REEP3: variants seen among roughly 807,000 people sequenced by gnomAD.
REEP3 encodes the protein receptor expression-enhancing protein 3.
In REEP3, 20 loss-of-function variants were observed where a neutral mutation model predicts 41.3. The observed-to-expected ratio is 0.48, with a 90% confidence interval of 0.34 to 0.70. REEP3 has a LOEUF of 0.70. Among genes scored for constraint, REEP3 ranks in the 30% least tolerant of loss-of-function variants. The pLI, the probability that REEP3 is intolerant of heterozygous loss-of-function variation, is 0.01. For synonymous variants in REEP3, 104 were observed against 101.8 expected (o/e 1.02, Z -0.13); for missense variants, 271 against 308.8 (o/e 0.88, Z 0.92).
intron 1 of REEP3, among the ~76,000 whole-genome samples, chr10:63,523,226 C>G (rs1035793898): frequency 1.3e-5 from 2 of 152,140 alleles, no homozygotes; most frequent in Non-Finnish European, 2.9e-5. Flanking sequence ...CAGTACAGGT[C>G]CAAATGTCAA....
At chr10:63,558,713 A>G (rs979168104) in intron 1 of REEP3, among the ~76,000 whole-genome samples, 8 of 151,934 alleles carry the variant, frequency 5.3e-5, no homozygotes, top group African/African-American at 1.9e-4. Context: ...ACTGCGTTCC[A>G]GCCTGGGCAA....
chr10:63,583,182 G>A (rs1439382979), intron 2 of REEP3, among the ~76,000 whole-genome samples: 1 of 151,808 alleles, frequency 6.6e-6, no homozygotes, highest in Non-Finnish European at 1.5e-5. Context: ...TAGTAGAGAC[G>A]GAGTTTCACT....
At chr10:63,598,659 C>G (rs1307612932) in intron 4 of REEP3, among the ~76,000 whole-genome samples, 1 of 151,484 alleles carries the variant, frequency 6.6e-6, no homozygotes, top group Non-Finnish European at 1.5e-5. Context: ...TGGCGGGCAC[C>G]CATAGTCCCA....
rs981027914 is a variant in REEP3, at chr10:63,614,126, A to G, written c.565+3792A>G. On this transcript the variant is annotated intron_variant, in intron 6 of 7. Transcript: ENST00000373758. ...CAAACCAATTATTGTCAATGCTATC[A>G]AAGAATACAACTGTCAAGAAATATA... Among the ~76,000 whole-genome samples, 11 of 152,342 alleles carry G rather than the reference A, an allele frequency of 7.2e-5. No individual in the cohort carries two copies. In the East Asian group the frequency reaches 2.1e-3, roughly 29 times the overall value.
chr10:63,585,164 T>G (rs1354744027), intron 2 of REEP3, among the ~76,000 whole-genome samples: 1 of 152,164 alleles, frequency 6.6e-6, no homozygotes, highest in Non-Finnish European at 1.5e-5. Context: ...CCTTAAAATG[T>G]AAGAGTGGAA....
chr10:63,545,585 G>T (rs1211896098), intron 1 of REEP3, among the ~76,000 whole-genome samples: 1 of 151,814 alleles, frequency 6.6e-6, no homozygotes, highest in Non-Finnish European at 1.5e-5. Flanking sequence ...ACGTTGGCCA[G>T]GATGGTCTCG....
intron 5 of REEP3, chr10:63,599,581 G>A: frequency 1.9e-6 from 1 of 537,740 alleles, no homozygotes; most frequent in South Asian, 7.4e-5. Context: ...ATCACCTGAT[G>A]TAAAGATGAC....
intron 1 of REEP3, among the ~76,000 whole-genome samples, chr10:63,557,081 G>T (rs1955694550): frequency 6.6e-6 from 1 of 152,056 alleles, no homozygotes; most frequent in Admixed American, 6.5e-5. Context: ...GTTTCCCTTG[G>T]CTAAAACCCA....
At chr10:63,603,422 T>A (rs983493363) in intron 5 of REEP3, among the ~76,000 whole-genome samples, 6 of 152,116 alleles carry the variant, frequency 3.9e-5, no homozygotes, top group Non-Finnish European at 7.4e-5. Flanking sequence ...CAAAAATGTG[T>A]CTATTTCATA....
intron 1 of REEP3, among the ~76,000 whole-genome samples, chr10:63,560,529 G>A (rs1348260557): frequency 6.6e-6 from 1 of 152,148 alleles, no homozygotes; most frequent in African/African-American, 2.4e-5. Flanking sequence ...TTTTAAAATG[G>A]TGCAGATTTT....
Position 63,558,271 on chromosome 10 carries a change from C to T in REEP3, c.33-8067C>T, listed in dbSNP as rs1030128424. Among the ~76,000 whole-genome samples the T allele has an allele frequency of 4.6e-5, 7 of 152,260 alleles. No homozygotes were observed. The South Asian group carries it at 8.3e-4, about 18-fold the overall frequency. Reference sequence around the variant, plus strand: ...TTACCTAGCTCCTGTCCTTGGTTAGCGTGAGGTTATGGTGCTGTGTTGACA... The same window carrying T: ...TTACCTAGCTCCTGTCCTTGGTTAGTGTGAGGTTATGGTGCTGTGTTGACA... On this transcript the variant is annotated intron_variant, in intron 1 of 7. Coordinates refer to ENST00000373758, the MANE Select transcript of REEP3 (RefSeq NM_001001330.3).
chr10:63,614,349 C>T (rs12779494), intron 6 of REEP3, among the ~76,000 whole-genome samples: 27,599 of 152,100 alleles, frequency 0.18, 3,175 homozygotes, highest in Non-Finnish European at 0.26. Context: ...TTATTTTGCT[C>T]ACAGATCTGG....
At chr10:63,577,149 G>A (rs2133385202) in intron 2 of REEP3, among the ~76,000 whole-genome samples, 1 of 152,230 alleles carries the variant, frequency 6.6e-6, no homozygotes, top group Non-Finnish European at 1.5e-5. Context: ...ATTCTGAAAG[G>A]TACTTGTTTA....
At chr10:63,606,271 C>CTTTCTTTT (rs1379817714) in intron 5 of REEP3, among the ~76,000 whole-genome samples, 6 of 145,886 alleles carry the variant, frequency 4.1e-5, no homozygotes, top group Admixed American at 4.1e-4. Context: ...CTTTTTCTTT[C>CTTTCTTTT]TTTCTTTTTC....
intron 2 of REEP3, among the ~76,000 whole-genome samples, chr10:63,592,413 C>A (rs1956072523): frequency 6.6e-6 from 1 of 152,170 alleles, no homozygotes; most frequent in Non-Finnish European, 1.5e-5. Flanking sequence ...AACAGTTTCT[C>A]TTGTAATGTA....
At position 63,578,224 on chromosome 10, in the gene REEP3, C is replaced by T. The variant is rs573536759; in HGVS notation, c.105+11814C>T. On this transcript the variant is annotated intron_variant, in intron 2 of 7. Coordinates refer to ENST00000373758, the MANE Select transcript of REEP3 (RefSeq NM_001001330.3). ...AAGCGATTCTCTTGCCTCAGCCTCC[C>T]GAGTAGCTGGGATTACAGGCACCTG... Among the ~76,000 whole-genome samples the T allele has an allele frequency of 1.3e-4, 20 of 152,184 alleles. No homozygotes were observed. The East Asian group carries it at 2.1e-3, about 16-fold the overall frequency.
intron 1 of REEP3, chr10:63,562,726 T>C (rs1410377345): frequency 4.8e-6 from 2 of 420,722 alleles, no homozygotes; most frequent in Non-Finnish European, 9.5e-6. Flanking sequence ...GTAAACAAAC[T>C]AACTATAAAT....
intron 1 of REEP3, among the ~76,000 whole-genome samples, chr10:63,546,372 C>CATAG (rs1396087545): frequency 6.6e-6 from 1 of 152,016 alleles, no homozygotes; most frequent in Non-Finnish European, 1.5e-5. Context: ...AGATAGAACC[C>CATAG]ATAGGATTGT....
chr10:63,553,363 C>T (rs191770254), intron 1 of REEP3, among the ~76,000 whole-genome samples: 86 of 150,842 alleles, frequency 5.7e-4, no homozygotes, highest in African/African-American at 1.9e-3. Flanking sequence ...CATTAAAAAG[C>T]GATAGCAAGT....
Sources: allele counts gnomAD v4.1 joint callset (sites outside exome capture counted in the v4.1 genomes callset), GRCh38; gene constraint gnomAD v4.1.1; transcripts MANE v1.5; gene names NCBI Gene and HGNC (gene_info 2026-07-23, HGNC 2026-07-21).